Variants in FHIT observed in about 807,000 individuals in gnomAD.
FHIT encodes the protein bis(5'-adenosyl)-triphosphatase.
FHIT carries 19 observed loss-of-function variants against 17.9 expected under a neutral mutation model. The ratio of observed to expected loss-of-function variants is 1.06; its 90% confidence interval spans 0.74 to 1.56. FHIT has a LOEUF of 1.56. Ranked by LOEUF, FHIT falls within the 40% of genes most tolerant of loss-of-function variation. The probability of loss-of-function intolerance (pLI) is 0.00; values close to 1 mark genes in which losing one functional copy is unlikely to be tolerated. For synonymous variants in FHIT, 81 were observed against 69.7 expected, an observed-to-expected ratio of 1.16 and a Z score of -0.81; for missense variants, 248 against 189.2, an observed-to-expected ratio of 1.31 and a Z score of -1.82.
rs186218094 is a variant in FHIT, at chr3:61,133,138, A to G, written c.-164+67479T>C. 1.7e-3 allele frequency among the ~76,000 whole-genome samples: 263 copies of G among 152,364 alleles called. 2 individuals carry two copies. Among genetic ancestry groups the G allele is most frequent in the African/African-American group, 5.8e-3 (241 of 41,588 alleles). On this transcript the variant is annotated intron_variant, in intron 2 of 9. Transcript: ENST00000492590. ...CTAAAGGAAGACGTCTCAAACCCCA[A>G]GAATAAATTAGGTCCTTCTGGACAT...
chr3:60,896,975 T>G (rs1383024555), intron 3 of FHIT, among the ~76,000 whole-genome samples: 5 of 152,174 alleles, frequency 3.3e-5, no homozygotes, highest in Non-Finnish European at 7.4e-5. Context: ...TTCCTGTGTA[T>G]CCTTTTGCAA....
At chr3:60,755,766 A>G (rs1553718105) in intron 4 of FHIT, among the ~76,000 whole-genome samples, 1 of 152,210 alleles carries the variant, frequency 6.6e-6, no homozygotes, top group African/African-American at 2.4e-5. Flanking sequence ...ACATTGGTTA[A>G]ATAAGTTAAG....
At chr3:60,135,705 GC>G (rs1383576477) in intron 5 of FHIT, among the ~76,000 whole-genome samples, 3 of 152,124 alleles carry the variant, frequency 2.0e-5, no homozygotes, top group African/African-American at 7.2e-5. Flanking sequence ...GCAGGAGCCT[GC>G]ACAACCCCAA....
intron 5 of FHIT, among the ~76,000 whole-genome samples, chr3:60,277,977 G>A (rs1707239054): frequency 6.6e-6 from 1 of 152,166 alleles, no homozygotes. Context: ...GCAGAGAACT[G>A]AGGTCCAAAG....
At chr3:61,205,638 T>C (rs1379450873) in intron 1 of FHIT, among the ~76,000 whole-genome samples, 1 of 152,236 alleles carries the variant, frequency 6.6e-6, no homozygotes, top group Non-Finnish European at 1.5e-5. Flanking sequence ...AAGTGTCTGT[T>C]CTTATCCTTT....
chr3:59,948,178 T>C (rs916004691), intron 7 of FHIT, among the ~76,000 whole-genome samples: 2 of 152,034 alleles, frequency 1.3e-5, no homozygotes, highest in Admixed American at 1.3e-4. Context: ...GGTGCAATTG[T>C]TGGGTCCTAT....
At chr3:60,357,243 T>A (rs749108933) in intron 5 of FHIT, among the ~76,000 whole-genome samples, 7 of 152,172 alleles carry the variant, frequency 4.6e-5, no homozygotes, top group Non-Finnish European at 8.8e-5. Context: ...AGTTTTTCTG[T>A]GTCGCGCAGG....
At chr3:61,091,474 GTCC>G (rs1347986344) in intron 2 of FHIT, among the ~76,000 whole-genome samples, 1 of 152,042 alleles carries the variant, frequency 6.6e-6, no homozygotes, top group Non-Finnish European at 1.5e-5. Flanking sequence ...TACTATTGTT[GTCC>G]TCCTCCTACT....
intron 2 of FHIT, among the ~76,000 whole-genome samples, chr3:61,166,115 A>C (rs958442152): frequency 5.9e-5 from 9 of 152,188 alleles, no homozygotes; most frequent in African/African-American, 2.2e-4. Context: ...CTTCTAGCTG[A>C]TGCCACCGTT....
chr3:59,968,978 G>A (rs920351425), intron 7 of FHIT, among the ~76,000 whole-genome samples: 1 of 152,130 alleles, frequency 6.6e-6, no homozygotes, highest in Non-Finnish European at 1.5e-5. Flanking sequence ...GAATTTTGCT[G>A]AGCATCATCA....
At chr3:60,859,555 C>G (rs1224287154) in intron 3 of FHIT, among the ~76,000 whole-genome samples, 1 of 151,684 alleles carries the variant, frequency 6.6e-6, no homozygotes, top group African/African-American at 2.4e-5. Context: ...GATGGGCCTA[C>G]AGAAATCCTC....
At chr3:59,839,018 A>C (rs1701434927) in intron 8 of FHIT, among the ~76,000 whole-genome samples, 1 of 152,176 alleles carries the variant, frequency 6.6e-6, no homozygotes, top group African/African-American at 2.4e-5. Context: ...AAGAATAAGA[A>C]AACCATCTCA....
At chr3:60,061,838 C>G (rs1390812330) in intron 5 of FHIT, among the ~76,000 whole-genome samples, 1 of 152,026 alleles carries the variant, frequency 6.6e-6, no homozygotes, top group African/African-American at 2.4e-5. Context: ...GAAGGAAGGG[C>G]ATTTATGACA....
intron 2 of FHIT, among the ~76,000 whole-genome samples, chr3:61,063,113 G>T (rs2034483895): frequency 6.6e-6 from 1 of 151,906 alleles, no homozygotes; most frequent in Non-Finnish European, 1.5e-5. Flanking sequence ...CAAAAAATTA[G>T]CCGGGTGTGG....
intron 8 of FHIT, among the ~76,000 whole-genome samples, chr3:59,853,145 G>A (rs1179631473): frequency 6.6e-6 from 1 of 152,192 alleles, no homozygotes; most frequent in African/African-American, 2.4e-5. Flanking sequence ...CAACAGAAAT[G>A]AATGAGAGTT....
chr3:60,201,573 G>A (rs949490589), intron 5 of FHIT, among the ~76,000 whole-genome samples: 4 of 151,912 alleles, frequency 2.6e-5, no homozygotes, highest in African/African-American at 9.7e-5. Context: ...AAAATGGAAG[G>A]GCCATCTAGA....
At chr3:60,200,035 GA>G (rs781326663) in intron 5 of FHIT, among the ~76,000 whole-genome samples, 3 of 152,138 alleles carry the variant, frequency 2.0e-5, no homozygotes, top group Non-Finnish European at 4.4e-5. Flanking sequence ...CCCACTGTGT[GA>G]TTCAGAAGAG....
At chr3:60,866,557 A>T (rs74772682) in intron 3 of FHIT, among the ~76,000 whole-genome samples, 1 of 152,350 alleles carries the variant, frequency 6.6e-6, no homozygotes, top group East Asian at 1.9e-4. Context: ...TCAGATGACT[A>T]TAGAGCCAGA....
chr3:60,631,706 C>A (rs1343629598), intron 4 of FHIT, among the ~76,000 whole-genome samples: 3 of 152,164 alleles, frequency 2.0e-5, no homozygotes, highest in African/African-American at 7.2e-5. Context: ...GTCCATCCAC[C>A]GCCACCATAT....
Sources: gnomAD v4.1 joint callset for allele counts (sites outside exome capture counted in the v4.1 genomes callset) on GRCh38, gnomAD v4.1.1 for gene constraint, MANE v1.5 for transcripts, NCBI Gene and HGNC (gene_info 2026-07-23, HGNC 2026-07-21) for gene names.